The following SPIDR variants were observed in gnomAD, a reference collection of about 807,000 sequenced individuals.
SPIDR encodes the protein scaffold protein involved in DNA repair.
Under a neutral mutation model 104.6 loss-of-function variants are expected in SPIDR, and 93 were observed. The observed-to-expected ratio is 0.89, with a 90% CI of 0.75 to 1.06. The LOEUF (loss-of-function observed/expected upper bound fraction) is 1.06, where lower values mean the gene tolerates loss of function less well. SPIDR is among the 50% of genes least tolerant of loss of function. The pLI is 0.00. For missense variants in SPIDR, 1,154 were observed against 1,111.2 expected, an observed-to-expected ratio of 1.04 and a Z score of -0.55; for synonymous variants, 431 against 416.9, an observed-to-expected ratio of 1.03 and a Z score of -0.41.
intron 8 of SPIDR, among the ~76,000 whole-genome samples, chr8:47,489,143 C>T (rs1195543492): frequency 6.6e-6 from 1 of 152,196 alleles, no homozygotes; most frequent in Non-Finnish European, 1.5e-5. Flanking sequence ...TGATAAGCAA[C>T]TTCAGCAAAG....
intron 7 of SPIDR, among the ~76,000 whole-genome samples, chr8:47,421,642 G>A (rs1433491372): frequency 2.0e-5 from 3 of 152,162 alleles, no homozygotes; most frequent in African/African-American, 2.4e-5. Flanking sequence ...GCTTTGTTCC[G>A]TTCCTGGTGA....
chr8:47,261,194 G>A (rs1335635008), intron 1 of SPIDR, among the ~76,000 whole-genome samples: 2 of 152,214 alleles, frequency 1.3e-5, no homozygotes, highest in Non-Finnish European at 2.9e-5. Context: ...CTCCGGTCCA[G>A]GCGTGCGGGC....
chr8:47,290,464 G>A (rs2039704388), intron 3 of SPIDR, among the ~76,000 whole-genome samples: 1 of 152,204 alleles, frequency 6.6e-6, no homozygotes, highest in South Asian at 2.1e-4. Flanking sequence ...AGTTTTGCAA[G>A]ATATTACCAT....
chr8:47,711,866 G>C (rs1228292949), intron 14 of SPIDR, among the ~76,000 whole-genome samples: 1 of 152,076 alleles, frequency 6.6e-6, no homozygotes, highest in Non-Finnish European at 1.5e-5. Context: ...TGACAATGTA[G>C]GCCACTTCCT....
intron 10 of SPIDR, among the ~76,000 whole-genome samples, chr8:47,625,843 C>T (rs2065991985): frequency 1.3e-5 from 2 of 152,298 alleles, no homozygotes; most frequent in African/African-American, 4.8e-5. Flanking sequence ...GTGCCATCCC[C>T]ATCAAGCTAC....
Position 47,324,767 on chromosome 8 carries a change from G to A in SPIDR, c.525+30737G>A, listed in dbSNP as rs565523732. 6.6e-5 allele frequency among the ~76,000 whole-genome samples: 10 copies of A among 152,298 alleles called. No individual in the cohort carries two copies. In the South Asian group the frequency reaches 2.1e-3, roughly 32 times the overall value. The stretch of plus-strand genomic sequence containing the variant: ...GCTTTGAGTTAGAATATCTGAGAAA[G>A]TGGTACTTATATTAGTTTGCTAGTG... On this transcript the variant is annotated intron_variant, in intron 5 of 19. Transcript: ENST00000297423.
rs1295281547 is a variant in SPIDR at position 47,714,130 on chromosome 8, CTGG to C, written c.2341+495_2341+497del. ...AGCTGAGGCTGGTGGGCCCACCAGG[CTGG>C]TGGTGTCAGGAGTGTGTTCTGTCAT... On this transcript the variant is annotated intron_variant, in intron 16 of 19. Transcript: ENST00000297423. 2.0e-4 allele frequency among the ~76,000 whole-genome samples: 30 copies of C among 151,986 alleles called. 2 individuals carry two copies. The highest frequency in any genetic ancestry group is 2.0e-3 in the Admixed American group (30 of 15,258).
chr8:47,314,279 A>G (rs1288937168), intron 5 of SPIDR, among the ~76,000 whole-genome samples: 1 of 152,226 alleles, frequency 6.6e-6, no homozygotes, highest in African/African-American at 2.4e-5. Context: ...GATAACTAAA[A>G]AACAAGAGAA....
intron 7 of SPIDR, among the ~76,000 whole-genome samples, chr8:47,413,237 C>T (rs987851713): frequency 1.3e-5 from 2 of 152,224 alleles, no homozygotes; most frequent in Non-Finnish European, 2.9e-5. Context: ...ATTCATGCAG[C>T]GCTTTTGTTT....
chr8:47,590,522 G>A (rs914185339), intron 8 of SPIDR, among the ~76,000 whole-genome samples: 6 of 152,114 alleles, frequency 3.9e-5, no homozygotes, highest in Non-Finnish European at 8.8e-5. Context: ...ATTGTACTGT[G>A]ATTAGAGAAT....
intron 8 of SPIDR, among the ~76,000 whole-genome samples, chr8:47,554,164 G>T (rs2090993496): frequency 6.6e-6 from 1 of 152,160 alleles, no homozygotes; most frequent in African/African-American, 2.4e-5. Context: ...TGCCCCTACT[G>T]GGAGGTGTCT....
At chr8:47,390,874 T>C (rs1015356311) in intron 5 of SPIDR, among the ~76,000 whole-genome samples, 1 of 152,176 alleles carries the variant, frequency 6.6e-6, no homozygotes, top group African/African-American at 2.4e-5. Context: ...ATGGCCCTCC[T>C]TTCTCGTTAG....
chr8:47,284,821 TAGTGAAATTAAGGA>T (rs2038505128), intron 3 of SPIDR, among the ~76,000 whole-genome samples: 1 of 152,172 alleles, frequency 6.6e-6, no homozygotes, highest in African/African-American at 2.4e-5. Flanking sequence ...AAAGATACTT[TAGTGAAATTAAGGA>T]TTTTTAGATA....
At chr8:47,497,907 C>G (rs564746764) in intron 8 of SPIDR, among the ~76,000 whole-genome samples, 10 of 152,174 alleles carry the variant, frequency 6.6e-5, no homozygotes, top group African/African-American at 2.2e-4. Context: ...ATGTGGAGAG[C>G]CTGTTCATTA....
intron 8 of SPIDR, among the ~76,000 whole-genome samples, chr8:47,558,362 G>T (rs1301804058): frequency 6.6e-6 from 1 of 152,012 alleles, no homozygotes; most frequent in African/African-American, 2.4e-5. Flanking sequence ...AGCCAGGTTG[G>T]GTACACTGTT....
At chr8:47,641,534 T>C (rs1003082531) in intron 10 of SPIDR, among the ~76,000 whole-genome samples, 1 of 152,230 alleles carries the variant, frequency 6.6e-6, no homozygotes, top group African/African-American at 2.4e-5. Context: ...CCATTACAAA[T>C]ATATGTTTAA....
chr8:47,292,693 T>G (rs1223039531), intron 4 of SPIDR, among the ~76,000 whole-genome samples: 1 of 152,212 alleles, frequency 6.6e-6, no homozygotes, highest in Non-Finnish European at 1.5e-5. Flanking sequence ...TTAAAAGTTT[T>G]GTGACCACAA....
rs940189511 is a variant in SPIDR, at chr8:47,592,060, A to G, written c.1098-3751A>G. 1.2e-5 allele frequency: 12 copies of G among 1,025,812 alleles called. No homozygotes were observed. In the Admixed American group the frequency reaches 2.4e-4, roughly 20 times the overall value. The allele number at this position is 1,025,812 out of a possible 1,614,324, so 63.5% of individuals were successfully genotyped here. ...GCTTTTTTATTCAGTAATGTTTCTA[A>G]GACTGTGTCCATTAAATGCAAACAA... On this transcript the variant is annotated intron_variant, in intron 8 of 19. Coordinates refer to ENST00000297423, the MANE Select transcript of SPIDR (RefSeq NM_001080394.4).
At chr8:47,558,259 G>A (rs1025113424) in intron 8 of SPIDR, among the ~76,000 whole-genome samples, 1 of 152,084 alleles carries the variant, frequency 6.6e-6, no homozygotes, top group African/African-American at 2.4e-5. Context: ...ATCATGCAAT[G>A]TGCTCATTTA....
Sources: gnomAD v4.1 joint callset for allele counts (sites outside exome capture counted in the v4.1 genomes callset) on GRCh38, gnomAD v4.1.1 for gene constraint, MANE v1.5 for transcripts, NCBI Gene and HGNC (gene_info 2026-07-23, HGNC 2026-07-21) for gene names.